The following FAM20C variants were observed in gnomAD, a reference collection of about 807,000 sequenced individuals.
The protein encoded by FAM20C is extracellular serine/threonine protein kinase FAM20C.
Under a neutral mutation model 51.5 loss-of-function variants are expected in FAM20C, and 40 were observed. The observed-to-expected ratio is 0.78, with a 90% CI of 0.60 to 1.01. FAM20C has a LOEUF of 1.01. Ranked by LOEUF, FAM20C falls within the 50% of genes least tolerant of loss-of-function variation. FAM20C has a pLI of 0.00. For missense variants in FAM20C, 861 were observed against 844.7 expected, an observed-to-expected ratio of 1.02 and a Z score of -0.24; for synonymous variants, 406 against 380.6, an observed-to-expected ratio of 1.07 and a Z score of -0.78.
chr7:209,741 C>T (rs1306252795), intron 3 of FAM20C, among the ~76,000 whole-genome samples: 1 of 152,230 alleles, frequency 6.6e-6, no homozygotes, highest in Non-Finnish European at 1.5e-5. Flanking sequence ...TGATTTCCAA[C>T]TTTCTAGAGA....
intron 7 of FAM20C, 70 bp from the exon 8 acceptor site, chr7:256,935 A>C: frequency 6.7e-7 from 1 of 1,499,712 alleles, no homozygotes; most frequent in Non-Finnish European, 9.0e-7. Flanking sequence ...CGCTCTGCAG[A>C]GCACAGAGGC....
intron 3 of FAM20C, among the ~76,000 whole-genome samples, chr7:240,360 A>C: frequency 7.2e-6 from 1 of 138,928 alleles, no homozygotes; most frequent in Non-Finnish European, 1.5e-5. Flanking sequence ...AAAGGATGAT[A>C]ATGATGGTGG....
At chr7:253,543 C>T (rs1437362425) in intron 5 of FAM20C, among the ~76,000 whole-genome samples, 1 of 138,310 alleles carries the variant, frequency 7.2e-6, no homozygotes, top group Non-Finnish European at 1.6e-5. Context: ...CTCCTTCCTC[C>T]CAGAAAGCCC....
chr7:201,764 G>A (rs62428651), intron 2 of FAM20C, among the ~76,000 whole-genome samples: 17 of 152,184 alleles, frequency 1.1e-4, no homozygotes, highest in Non-Finnish European at 2.1e-4. Context: ...AACTGCATAC[G>A]AACATCGCCT....
chr7:245,026 C>A (rs938137305), intron 3 of FAM20C, among the ~76,000 whole-genome samples: 14 of 152,194 alleles, frequency 9.2e-5, no homozygotes, highest in African/African-American at 2.9e-4. Flanking sequence ...CCCGAAGGGA[C>A]GTGGACATGA....
intron 3 of FAM20C, among the ~76,000 whole-genome samples, chr7:236,807 C>T (rs1475871291): frequency 1.7e-4 from 24 of 139,544 alleles, no homozygotes; most frequent in East Asian, 1.0e-3. Context: ...GTCCCGGTGG[C>T]TGTCGGGGTT....
At position 256,012 on chromosome 7, in the gene FAM20C, C is replaced by T. The variant is rs141884969; in HGVS notation, c.1236C>T (p.His412=). The T allele has an allele frequency of 0.015, 23,241 of 1,535,986 alleles. 245 individuals are homozygous for T. The highest frequency in any genetic ancestry group is 0.02 in the Middle Eastern group (118 of 5,950). Residue 412 remains histidine (H), a synonymous_variant, in exon 6 of 10, where the codon CAC becomes CAT. Transcript: ENST00000313766. ...TWRNPWRRSY[H]KRKKAEWEVD... Reference sequence around the variant, plus strand: ...GGAACCCTTGGCGGCGTTCCTACCACAAGCGCAAGAAGGCCGAGTGAGTGC... The same window carrying T: ...GGAACCCTTGGCGGCGTTCCTACCATAAGCGCAAGAAGGCCGAGTGAGTGC...
intron 1 of FAM20C, 158 bp downstream of exon 1, chr7:193,962 T>C: frequency 8.7e-7 from 1 of 1,154,146 alleles, no homozygotes; most frequent in Non-Finnish European, 1.1e-6. Context: ...GGGCGCTGCC[T>C]TTGTCTCCAG....
At chr7:247,012 G>A (rs978825776) in intron 4 of FAM20C, among the ~76,000 whole-genome samples, 14 of 152,326 alleles carry the variant, frequency 9.2e-5, no homozygotes, top group African/African-American at 2.6e-4. Context: ...AGAGGAAAAG[G>A]AAAGAGGGAA....
chr7:256,863 G>A, intron 7 of FAM20C, 100 bp downstream of exon 7: 1 of 1,421,632 alleles, frequency 7.0e-7, no homozygotes. Context: ...CGGCCCGGCT[G>A]CGGTCCTGTG....
At chr7:206,775 T>C (rs1024143677) in intron 2 of FAM20C, among the ~76,000 whole-genome samples, 11 of 113,736 alleles carry the variant, frequency 9.7e-5, no homozygotes, top group African/African-American at 1.4e-4. Context: ...TCTGTCACGG[T>C]CCCCTCGGCC....
At chr7:193,960 C>G in intron 1 of FAM20C, 156 bp downstream of exon 1, 6 of 1,165,694 alleles carry the variant, frequency 5.1e-6, no homozygotes, top group Non-Finnish European at 6.8e-6. Context: ...CAGGGCGCTG[C>G]CTTTGTCTCC....
intron 5 of FAM20C, among the ~76,000 whole-genome samples, chr7:253,790 C>G (rs1343267513): frequency 2.0e-5 from 3 of 152,192 alleles, no homozygotes; most frequent in Non-Finnish European, 4.4e-5. Flanking sequence ...GCTGTGGGCC[C>G]GAGAAATGCC....
chr7:193,168 C>T lies in FAM20C; in HGVS notation c.-32C>T. 1 of 1,430,934 alleles carries T rather than the reference C, an allele frequency of 7.0e-7. No individual in the cohort carries two copies. The highest frequency in any genetic ancestry group is 9.2e-7 in the Non-Finnish European group (1 of 1,085,206). 88.6% of individuals were successfully genotyped at this position (1,430,934 alleles called of 1,614,324 possible). On this transcript the variant is annotated 5_prime_UTR_variant, in exon 1 of 10. It adds an upstream start codon to the 5' untranslated region. Coordinates refer to ENST00000313766, the MANE Select transcript of FAM20C (RefSeq NM_020223.4). ...CAGCTAGAGGGGCGCGCGGGCAGAA[C>T]GCGCTCCAGGCCCGGGCCGGCCCGC...
At chr7:219,268 G>A (rs1173195581) in intron 3 of FAM20C, among the ~76,000 whole-genome samples, 2 of 152,118 alleles carry the variant, frequency 1.3e-5, no homozygotes, top group Non-Finnish European at 2.9e-5. Context: ...TGGGGTCGCT[G>A]CATGAACCCC....
At chr7:198,383 G>C (rs1014380388) in intron 2 of FAM20C, among the ~76,000 whole-genome samples, 1 of 152,082 alleles carries the variant, frequency 6.6e-6, no homozygotes, top group African/African-American at 2.4e-5. Context: ...TCTGGACCTG[G>C]TATAATCTGG....
At chr7:226,555 C>T (rs552683313) in intron 3 of FAM20C, among the ~76,000 whole-genome samples, 2 of 152,102 alleles carry the variant, frequency 1.3e-5, no homozygotes, top group African/African-American at 4.8e-5. Context: ...GCCCCCCGGT[C>T]GTGGCCCCGA....
At chr7:228,227 A>G (rs1036378399) in intron 3 of FAM20C, 4 of 326,978 alleles carry the variant, frequency 1.2e-5, no homozygotes, top group Non-Finnish European at 2.4e-5. Context: ...AATTCTGAGA[A>G]AATAAAAGAT....
chr7:256,970 C>A, intron 7 of FAM20C, 35 bp from the exon 8 acceptor site: 1 of 1,535,728 alleles, frequency 6.5e-7, no homozygotes, highest in South Asian at 1.2e-5. Context: ...GCCCGGCTCC[C>A]CACGAGCTGT....
Sources: allele counts gnomAD v4.1 joint callset (sites outside exome capture counted in the v4.1 genomes callset), GRCh38; gene constraint gnomAD v4.1.1; transcripts MANE v1.5; gene names NCBI Gene and HGNC (gene_info 2026-07-23, HGNC 2026-07-21).